COL23A1: variants seen among roughly 807,000 people sequenced by gnomAD.
The protein encoded by COL23A1 is collagen type XXIII alpha 1 chain, also known as collagen alpha-1(XXIII) chain.
In COL23A1, 97 loss-of-function variants were observed where a neutral mutation model predicts 99.3. That is an observed-to-expected ratio of 0.98 (90% CI 0.83 to 1.16). The LOEUF (loss-of-function observed/expected upper bound fraction) is 1.16. Among genes scored for constraint, COL23A1 ranks in the 50% most tolerant of loss-of-function variants. The pLI, the probability that COL23A1 is intolerant of heterozygous loss-of-function variation, is 0.00. For synonymous variants in COL23A1, 320 were observed against 308.2 expected (o/e 1.04, Z -0.40); for missense variants, 762 against 757.4 (o/e 1.01, Z -0.07).
chr5:178,546,580 A>G lies in COL23A1; in HGVS notation c.361+14102T>C, dbSNP rs1373250718. ...GCCGTCCCAGGGCCTGGCTGCGGTGACGCGCCACTAACACTTACTGGACGA... is the reference window on the plus strand; with the variant it reads ...GCCGTCCCAGGGCCTGGCTGCGGTGGCGCGCCACTAACACTTACTGGACGA... On this transcript the variant is annotated intron_variant, in intron 2 of 28. Transcript: ENST00000390654. Among the ~76,000 whole-genome samples, 7 of 152,278 alleles carry G rather than the reference A, an allele frequency of 4.6e-5. No homozygotes were observed. In the East Asian group the frequency reaches 1.2e-3, roughly 25 times the overall value.
intron 2 of COL23A1, among the ~76,000 whole-genome samples, chr5:178,436,843 A>G (rs1257726018): frequency 6.6e-6 from 1 of 152,162 alleles, no homozygotes; most frequent in African/African-American, 2.4e-5. Flanking sequence ...CCATTTTGCA[A>G]AAGAAGAGAC....
At chr5:178,409,756 T>C (rs1764968278) in intron 2 of COL23A1, among the ~76,000 whole-genome samples, 1 of 152,050 alleles carries the variant, frequency 6.6e-6, no homozygotes, top group African/African-American at 2.4e-5. Flanking sequence ...CCAAATACAG[T>C]TGAGAAATTA....
At chr5:178,566,287 G>A (rs1292422847) in intron 1 of COL23A1, among the ~76,000 whole-genome samples, 1 of 152,162 alleles carries the variant, frequency 6.6e-6, no homozygotes, top group Non-Finnish European at 1.5e-5. Flanking sequence ...ACTGTTCTGT[G>A]TGGTCCTGGG....
Position 178,434,175 on chromosome 5 carries a change from C to T in COL23A1, c.361+126507G>A. Among the ~76,000 whole-genome samples the T allele has an allele frequency of 6.6e-6, 1 of 152,372 alleles. No homozygotes were observed. Among genetic ancestry groups the T allele is most frequent in the African/African-American group, 2.4e-5 (1 of 41,600 alleles). On this transcript the variant is annotated intron_variant, in intron 2 of 28. Transcript: ENST00000390654. The surrounding 1 kb of genome is among the most constrained non-coding windows in gnomAD (Gnocchi z 4.3). ...AGCGACTGTCATCTTCTCCACTTTCCAGATAGGGAAATCAAGGCTTAGAGA... is the reference window on the plus strand; with the variant it reads ...AGCGACTGTCATCTTCTCCACTTTCTAGATAGGGAAATCAAGGCTTAGAGA...
chr5:178,358,248 G>GTATGTGTGTATGTATA (rs796141502), intron 2 of COL23A1, among the ~76,000 whole-genome samples: 17 of 125,616 alleles, frequency 1.4e-4, no homozygotes, highest in African/African-American at 4.0e-4. Flanking sequence ...GTATGTGTAT[G>GTATGTGTGTATGTATA]TGTGTGTATG....
chr5:178,358,711 ATG>A lies in COL23A1; in HGVS notation c.362-51794_362-51793del, dbSNP rs780096578. ...TGTGTGTATGTATGTGTATGTGTGT[ATG>A]TGTGTATGTGTATGTGTGTATGTGT... On this transcript the variant is annotated intron_variant, in intron 2 of 28. Transcript: ENST00000390654. 3.7e-3 allele frequency among the ~76,000 whole-genome samples: 523 copies of A among 139,566 alleles called. 2 individuals carry two copies. The highest frequency in any genetic ancestry group is 0.011 in the African/African-American group (399 of 35,894). 91.6% of individuals were successfully genotyped at this position (139,566 alleles called of 152,430 possible).
chr5:178,416,250 C>T (rs1358742952), intron 2 of COL23A1, among the ~76,000 whole-genome samples: 2 of 152,180 alleles, frequency 1.3e-5, no homozygotes, highest in African/African-American at 4.8e-5. Context: ...GCCAGGGACC[C>T]AATATAGACA....
At chr5:178,259,259 A>G (rs1009618267) in intron 12 of COL23A1, among the ~76,000 whole-genome samples, 1 of 152,024 alleles carries the variant, frequency 6.6e-6, no homozygotes, top group African/African-American at 2.4e-5. Flanking sequence ...GAATGAGGTG[A>G]AGGAGGAGGC....
At chr5:178,288,603 C>A in intron 4 of COL23A1, 2 of 598,926 alleles carry the variant, frequency 3.3e-6, no homozygotes, top group Non-Finnish European at 3.1e-6. Flanking sequence ...ACATGTGTGC[C>A]CTCCCCACGC....
chr5:178,319,995 G>A (rs1428556323), intron 2 of COL23A1, among the ~76,000 whole-genome samples: 1 of 152,314 alleles, frequency 6.6e-6, no homozygotes, highest in Non-Finnish European at 1.5e-5. Flanking sequence ...GCTTCCCTCT[G>A]TCCAGGGCTC....
intron 3 of COL23A1, among the ~76,000 whole-genome samples, chr5:178,292,723 C>A (rs556634103): frequency 1.3e-5 from 2 of 152,280 alleles, no homozygotes; most frequent in South Asian, 4.1e-4. Flanking sequence ...TCTGACAGCA[C>A]AGCCAAGAGG....
chr5:178,567,902 C>G (rs190846993), intron 1 of COL23A1, among the ~76,000 whole-genome samples: 3 of 152,302 alleles, frequency 2.0e-5, no homozygotes, highest in Admixed American at 1.3e-4. Flanking sequence ...TATGTAAATA[C>G]TTCCCTCTTC....
chr5:178,335,998 T>C (rs1373753331), intron 2 of COL23A1, among the ~76,000 whole-genome samples: 1 of 152,234 alleles, frequency 6.6e-6, no homozygotes, highest in Non-Finnish European at 1.5e-5. Flanking sequence ...AGGTTCGTTT[T>C]GCCTTATCCA....
At chr5:178,548,669 G>A (rs1761843902) in intron 2 of COL23A1, among the ~76,000 whole-genome samples, 1 of 150,980 alleles carries the variant, frequency 6.6e-6, no homozygotes, top group South Asian at 2.1e-4. Context: ...CTTTACTAGA[G>A]CCTCTGGCTT....
intron 16 of COL23A1, among the ~76,000 whole-genome samples, chr5:178,252,914 T>TA (rs1413075693): frequency 6.6e-6 from 1 of 152,318 alleles, no homozygotes; most frequent in East Asian, 1.9e-4. Context: ...TTTGGCTCCC[T>TA]ATTGCCTCTC....
At chr5:178,351,542 G>C (rs1008933449) in intron 2 of COL23A1, among the ~76,000 whole-genome samples, 1 of 152,158 alleles carries the variant, frequency 6.6e-6, no homozygotes, top group East Asian at 1.9e-4. Context: ...GGCCGCACTC[G>C]GCCCACTGTT....
At position 178,544,352 on chromosome 5, in the gene COL23A1, G is replaced by A. The variant is rs950931510; in HGVS notation, c.361+16330C>T. ...CCCAAGGCGGGGAAGGCAAGTCGGC[G>A]GATGCGCACTTCAGGGAGGACGCAG... On this transcript the variant is annotated intron_variant, in intron 2 of 28. Transcript: ENST00000390654. The surrounding 1 kb of genome is among the most constrained non-coding windows in gnomAD (Gnocchi z 4.4). Among the ~76,000 whole-genome samples, 1 of 152,196 alleles carries A rather than the reference G, an allele frequency of 6.6e-6. No individual in the cohort carries two copies.
chr5:178,467,691 C>A (rs1756495062), intron 2 of COL23A1, among the ~76,000 whole-genome samples: 1 of 152,146 alleles, frequency 6.6e-6, no homozygotes, highest in East Asian at 1.9e-4. Context: ...GAGCCACAGA[C>A]CTCTTCTCCT....
At chr5:178,586,075 G>C (rs1230925763) in intron 1 of COL23A1, among the ~76,000 whole-genome samples, 1 of 152,174 alleles carries the variant, frequency 6.6e-6, no homozygotes, top group Non-Finnish European at 1.5e-5. Flanking sequence ...AGCTGCAGCA[G>C]CCACCTTGTG....
Sources: gnomAD v4.1 joint callset for allele counts (sites outside exome capture counted in the v4.1 genomes callset) on GRCh38, gnomAD v4.1.1 for gene constraint, Gnocchi (gnomAD v3.1) non-coding constraint, MANE v1.5 for transcripts, NCBI Gene and HGNC (gene_info 2026-07-23, HGNC 2026-07-21) for gene names.